The following OR7E24 variants were observed in gnomAD, a reference collection of about 807,000 sequenced individuals.
The protein encoded by OR7E24 is olfactory receptor family 7 subfamily E member 24, also known as olfactory receptor 7E24.
For missense variants in OR7E24, 385 were observed against 410.3 expected, an observed-to-expected ratio of 0.94 and a Z score of 0.53; for synonymous variants, 130 against 157.5, an observed-to-expected ratio of 0.83 and a Z score of 1.31.
At chr19:9,222,281 C>T in the OR7E24 span, among the ~76,000 whole-genome samples, 1 of 152,150 alleles carries the variant, frequency 6.6e-6, no homozygotes, top group African/African-American at 2.4e-5. Flanking sequence ...TTTTGGCTCA[C>T]ATTGCTTTAG....
upstream of OR7E24, among the ~76,000 whole-genome samples, chr19:9,246,366 C>T (rs1030869699): frequency 6.6e-6 from 1 of 151,876 alleles, no homozygotes; most frequent in Non-Finnish European, 1.5e-5. Context: ...CCGCGCCGGG[C>T]CTCAATTTGC....
chr19:9,235,545 C>A, the OR7E24 span: 2 of 1,548,410 alleles, frequency 1.3e-6, no homozygotes, highest in Non-Finnish European at 1.8e-6. Flanking sequence ...AGTACATGGT[C>A]ATCATAAACC....
the OR7E24 span, among the ~76,000 whole-genome samples, chr19:9,240,478 G>C: frequency 6.6e-6 from 1 of 152,140 alleles, no homozygotes; most frequent in Non-Finnish European, 1.5e-5. Flanking sequence ...TTATGGAAGA[G>C]ACTGTCCTTT....
At chr19:9,247,356 C>A, upstream of OR7E24, 1 of 397,468 alleles carries the variant, frequency 2.5e-6, no homozygotes. Context: ...GCTTCCAGTC[C>A]AGTGGGCTCC....
the OR7E24 span, chr19:9,219,684 G>A: frequency 6.6e-6 from 1 of 152,148 alleles, no homozygotes; most frequent in Non-Finnish European, 1.5e-5. Context: ...CTCAAGAGTT[G>A]AATTCTCAGA....
At chr19:9,236,865 A>T in the OR7E24 span, among the ~76,000 whole-genome samples, 1 of 152,220 alleles carries the variant, frequency 6.6e-6, no homozygotes, top group Non-Finnish European at 1.5e-5. Flanking sequence ...TTCATAAAAT[A>T]TTCAAAGCAA....
At chr19:9,241,988 A>C in the OR7E24 span, among the ~76,000 whole-genome samples, 4 of 152,228 alleles carry the variant, frequency 2.6e-5, no homozygotes, top group East Asian at 7.8e-4. Flanking sequence ...CCATTTTCTT[A>C]GAGCCACTCT....
At chr19:9,221,092 G>A in the OR7E24 span, among the ~76,000 whole-genome samples, 4 of 151,736 alleles carry the variant, frequency 2.6e-5, no homozygotes, top group Non-Finnish European at 5.9e-5. Context: ...GGCTAAAGGT[G>A]AAACCCCGTC....
At chr19:9,227,142 G>A in the OR7E24 span, among the ~76,000 whole-genome samples, 3 of 152,018 alleles carry the variant, frequency 2.0e-5, no homozygotes, top group African/African-American at 7.3e-5. Context: ...GAGAACATGC[G>A]GTATTTGCTT....
chr19:9,236,160 C>A, the OR7E24 span: 1 of 752,114 alleles, frequency 1.3e-6, no homozygotes, highest in Admixed American at 2.6e-5. Flanking sequence ...AGATCTTGCT[C>A]TCCCCTAAAA....
chr19:9,221,340 C>CTTT, the OR7E24 span, among the ~76,000 whole-genome samples: 491 of 81,198 alleles, frequency 6.0e-3, 163 homozygotes, highest in African/African-American at 0.033. Context: ...GTCTTTTGCC[C>CTTT]TTTTTTTTTT....
the OR7E24 span, chr19:9,209,704 G>A: frequency 6.7e-6 from 1 of 150,252 alleles, no homozygotes; most frequent in African/African-American, 2.5e-5. Context: ...GCCCAGGCTG[G>A]AGTGCAGTGG....
the OR7E24 span, chr19:9,219,244 C>A: frequency 6.6e-6 from 1 of 152,206 alleles, no homozygotes; most frequent in East Asian, 1.9e-4. Context: ...GAATAAGTAA[C>A]TGGATGTACG....
At chr19:9,229,125 C>T in the OR7E24 span, among the ~76,000 whole-genome samples, 2 of 152,066 alleles carry the variant, frequency 1.3e-5, no homozygotes, top group Non-Finnish European at 1.5e-5. Flanking sequence ...AAAAAAGATC[C>T]CTTTGCCTCT....
At chr19:9,221,270 C>CAAAA in the OR7E24 span, among the ~76,000 whole-genome samples, 1 of 124,460 alleles carries the variant, frequency 8.0e-6, no homozygotes. Context: ...AGACTCGTCT[C>CAAAA]AAGAAAAAAA....
At chr19:9,248,691 T>C (rs972525796), upstream of OR7E24, among the ~76,000 whole-genome samples, 5 of 152,236 alleles carry the variant, frequency 3.3e-5, no homozygotes, top group African/African-American at 1.2e-4. Context: ...CCCTTGCCCC[T>C]GTTTCTGGCT....
At chr19:9,236,827 C>T in the OR7E24 span, among the ~76,000 whole-genome samples, 1 of 152,020 alleles carries the variant, frequency 6.6e-6, no homozygotes, top group Non-Finnish European at 1.5e-5. Context: ...TGATTTTGCT[C>T]GTTATCCCTG....
At chr19:9,248,497 C>CT (rs1568335511), upstream of OR7E24, among the ~76,000 whole-genome samples, 1 of 152,186 alleles carries the variant, frequency 6.6e-6, no homozygotes, top group African/African-American at 2.4e-5. Flanking sequence ...CCTTCCCCCC[C>CT]TCGAATCCGT....
chr19:9,221,615 T>G, the OR7E24 span, among the ~76,000 whole-genome samples: 33 of 152,042 alleles, frequency 2.2e-4, no homozygotes, highest in East Asian at 5.7e-3. Flanking sequence ...CCTCTCAAAG[T>G]GCTGGGATTA....
Sources: gnomAD v4.1 joint callset for allele counts (sites outside exome capture counted in the v4.1 genomes callset) on GRCh38, gnomAD v4.1.1 for gene constraint, MANE v1.5 for transcripts, NCBI Gene and HGNC (gene_info 2026-07-23, HGNC 2026-07-21) for gene names.